FOXP2: variants seen among roughly 807,000 people sequenced by gnomAD.
FOXP2 encodes forkhead box P2, also known as forkhead box protein P2.
In FOXP2, 12 loss-of-function variants were observed where a neutral mutation model predicts 115.8. The observed-to-expected ratio is 0.10, with a 90% CI of 0.07 to 0.17. The LOEUF (loss-of-function observed/expected upper bound fraction) is 0.17, where lower values mean the gene tolerates loss of function less well. Ranked by LOEUF, FOXP2 falls within the 10% of genes least tolerant of loss-of-function variation. FOXP2 has a pLI of 1.00. For missense variants in FOXP2, 629 were observed against 843.5 expected (o/e 0.75, Z 3.15); for synonymous variants, 328 against 297.7 (o/e 1.10, Z -1.05).
At chr7:114,532,814 A>T (rs1344476089) in intron 2 of FOXP2, among the ~76,000 whole-genome samples, 1 of 151,940 alleles carries the variant, frequency 6.6e-6, no homozygotes, top group Non-Finnish European at 1.5e-5. Flanking sequence ...AAAAATAATC[A>T]AATGCATTTT....
At chr7:114,361,015 T>A (rs1584665673) in intron 2 of FOXP2, among the ~76,000 whole-genome samples, 1 of 152,182 alleles carries the variant, frequency 6.6e-6, no homozygotes, top group East Asian at 1.9e-4. Flanking sequence ...ATTAACACAG[T>A]GTTGGAATAG....
At chr7:114,125,553 G>T (rs1433965591) in intron 1 of FOXP2, among the ~76,000 whole-genome samples, 3 of 152,042 alleles carry the variant, frequency 2.0e-5, no homozygotes, top group Non-Finnish European at 4.4e-5. Flanking sequence ...AATAAATAAT[G>T]ATTTTGGAAA....
At chr7:114,149,781 T>A (rs1241097975) in intron 1 of FOXP2, among the ~76,000 whole-genome samples, 1 of 152,094 alleles carries the variant, frequency 6.6e-6, no homozygotes, top group Non-Finnish European at 1.5e-5. Flanking sequence ...GTGTCATGGA[T>A]AAAATTAGAC....
chr7:114,416,771 A>G (rs1793365424), intron 1 of FOXP2, among the ~76,000 whole-genome samples: 1 of 151,964 alleles, frequency 6.6e-6, no homozygotes, highest in South Asian at 2.1e-4. Flanking sequence ...ATATGTGGAG[A>G]GGTTTAATGA....
chr7:114,205,142 C>G (rs12539652), intron 1 of FOXP2, among the ~76,000 whole-genome samples: 2,094 of 152,114 alleles, frequency 0.014, 71 homozygotes, highest in East Asian at 0.075. Flanking sequence ...CATATTTTAA[C>G]TTTATTTTAT....
intron 3 of FOXP2, chr7:114,538,307 G>T: frequency 7.7e-7 from 1 of 1,299,342 alleles, no homozygotes; most frequent in Non-Finnish European, 1.0e-6. Context: ...TCGCATTATT[G>T]TTCTTGTTAC....
intron 1 of FOXP2, chr7:114,087,959 T>A (rs1392269228): frequency 6.6e-6 from 1 of 152,030 alleles, no homozygotes; most frequent in African/African-American, 2.4e-5. Flanking sequence ...TGCACAGGGA[T>A]GAGTCAAGAG....
chr7:114,216,250 T>C (rs1794482344), intron 1 of FOXP2, among the ~76,000 whole-genome samples: 1 of 152,164 alleles, frequency 6.6e-6, no homozygotes, highest in South Asian at 2.1e-4. Context: ...GGAATAGAGC[T>C]TCCACACAAG....
intron 3 of FOXP2, among the ~76,000 whole-genome samples, chr7:114,589,333 A>G (rs1449895915): frequency 6.6e-6 from 1 of 151,922 alleles, no homozygotes; most frequent in Non-Finnish European, 1.5e-5. Context: ...AATATTCTGC[A>G]TGATTGTTTA....
intron 2 of FOXP2, among the ~76,000 whole-genome samples, chr7:114,528,739 C>T (rs1798992920): frequency 6.6e-6 from 1 of 150,878 alleles, no homozygotes; most frequent in African/African-American, 2.4e-5. Context: ...GTCTTCAATA[C>T]ATATCCAAAC....
intron 2 of FOXP2, among the ~76,000 whole-genome samples, chr7:114,314,291 T>G (rs1467210168): frequency 1.3e-5 from 2 of 150,668 alleles, no homozygotes; most frequent in East Asian, 3.9e-4. Context: ...TATATGAAAC[T>G]GTTTCCTTTC....
intron 1 of FOXP2, among the ~76,000 whole-genome samples, chr7:114,106,933 C>A (rs943438826): frequency 6.6e-6 from 1 of 151,964 alleles, no homozygotes; most frequent in African/African-American, 2.4e-5. Flanking sequence ...AATCAAATCT[C>A]ATTTTCTGGA....
At chr7:114,338,794 AT>A in intron 2 of FOXP2, among the ~76,000 whole-genome samples, 2 of 150,596 alleles carry the variant, frequency 1.3e-5, no homozygotes, top group South Asian at 4.2e-4. Flanking sequence ...CTACATACAT[AT>A]TTGATGAAAA....
intron 2 of FOXP2, among the ~76,000 whole-genome samples, chr7:114,292,016 C>A (rs1796616842): frequency 2.1e-5 from 1 of 47,202 alleles, no homozygotes; most frequent in Admixed American, 2.8e-4. Context: ...ATAGATATAA[C>A]ATTAAAACAC....
intron 10 of FOXP2, among the ~76,000 whole-genome samples, chr7:114,655,419 A>G (rs374328145): frequency 3.9e-5 from 6 of 152,274 alleles, no homozygotes. Context: ...CATAAACCAC[A>G]CATGAAAGAA....
At chr7:114,588,164 G>A (rs186555002) in intron 3 of FOXP2, among the ~76,000 whole-genome samples, 75 of 151,842 alleles carry the variant, frequency 4.9e-4, no homozygotes, top group African/African-American at 1.7e-3. Context: ...AAAAAAATTA[G>A]CCAAGGATGA....
chr7:114,494,863 C>G (rs559586188), intron 2 of FOXP2, among the ~76,000 whole-genome samples: 24 of 152,248 alleles, frequency 1.6e-4, no homozygotes, highest in African/African-American at 5.5e-4. Context: ...CTTAACTTCT[C>G]TTAAAATTCT....
At chr7:114,280,121 T>TAAATAAAA (rs1386552712) in intron 1 of FOXP2, among the ~76,000 whole-genome samples, 1 of 137,736 alleles carries the variant, frequency 7.3e-6, no homozygotes, top group Admixed American at 7.3e-5. Context: ...AATAAATAAA[T>TAAATAAAA]AAAAACAGGT....
intron 3 of FOXP2, among the ~76,000 whole-genome samples, chr7:114,538,034 A>G (rs1353004297): frequency 6.6e-6 from 1 of 151,594 alleles, no homozygotes; most frequent in Non-Finnish European, 1.5e-5. Context: ...AGCACTTCCT[A>G]GACTTGATAT....
Sources: allele counts gnomAD v4.1 joint callset (sites outside exome capture counted in the v4.1 genomes callset), GRCh38; gene constraint gnomAD v4.1.1; transcripts MANE v1.5; gene names NCBI Gene and HGNC (gene_info 2026-07-23, HGNC 2026-07-21).